The following HPCAL4 variants were observed in gnomAD, a reference collection of about 807,000 sequenced individuals.
HPCAL4 encodes hippocalcin-like protein 4.
Under a neutral mutation model 18.2 loss-of-function variants are expected in HPCAL4, and 16 were observed. That is an observed-to-expected ratio of 0.88 (90% CI 0.59 to 1.33). HPCAL4 has a LOEUF of 1.33. Ranked by LOEUF, HPCAL4 falls within the 40% of genes most tolerant of loss-of-function variation. HPCAL4 has a pLI of 0.00. For missense variants in HPCAL4, 214 were observed against 256.6 expected (o/e 0.83, Z 1.14); for synonymous variants, 80 against 97.5 (o/e 0.82, Z 1.06).
At chr1:39,683,181 G>A (rs1186730688) in intron 3 of HPCAL4, among the ~76,000 whole-genome samples, 1 of 152,186 alleles carries the variant, frequency 6.6e-6, no homozygotes, top group Non-Finnish European at 1.5e-5. Context: ...ACCACGCCCA[G>A]CCCTCAACTA....
At position 39,684,628 on chromosome 1, in the gene HPCAL4, T is replaced by C; in HGVS notation, c.-8-17A>G. 1.9e-6 allele frequency: 3 copies of C among 1,552,526 alleles called. No homozygotes were observed. Among genetic ancestry groups the C allele is most frequent in the Non-Finnish European group, 2.6e-6 (3 of 1,151,088 alleles). Reference sequence around the variant, plus strand: ...TGGCGGGGCCTGTGGGACAGAGGGATTCCTCCGACTGGGTCCAGGGAAAGG... The same window carrying C: ...TGGCGGGGCCTGTGGGACAGAGGGACTCCTCCGACTGGGTCCAGGGAAAGG... On this transcript the variant is annotated splice_polypyrimidine_tract_variant and intron_variant, in intron 1 of 3. Coordinates refer to ENST00000372844, the MANE Select transcript of HPCAL4 (RefSeq NM_016257.4).
At position 39,681,751 on chromosome 1, in the gene HPCAL4, TAA is replaced by T. The variant is rs1185657570; in HGVS notation, c.*783_*784del. The T allele has an allele frequency of 2.0e-5, 3 of 152,196 alleles. No homozygotes were observed. Among genetic ancestry groups the T allele is most frequent in the African/African-American group, 7.2e-5 (3 of 41,456 alleles). The allele number at this position is 152,196 out of a possible 1,614,324, so 9.4% of individuals were successfully genotyped here. A position where few individuals can be genotyped will look rare whatever the true frequency, so the allele number is the denominator to read the frequency against. On this transcript the variant is annotated 3_prime_UTR_variant, in exon 4 of 4. Transcript: ENST00000372844. ...GCTCCTTTAAAGGGTACTAAAAAAA[TAA>T]GTATGACATAAATTTCATTTTTCTT... is the stretch of plus-strand genomic sequence containing the variant.
intron 1 of HPCAL4, among the ~76,000 whole-genome samples, chr1:39,686,180 C>CAAAA (rs35915782): frequency 4.6e-5 from 4 of 86,466 alleles, no homozygotes; most frequent in African/African-American, 1.4e-4. Flanking sequence ...GACTCCGTCT[C>CAAAA]AAAAAAAAAA....
At chr1:39,690,657 G>A (rs1003851074) in intron 1 of HPCAL4, among the ~76,000 whole-genome samples, 1 of 152,040 alleles carries the variant, frequency 6.6e-6, no homozygotes, top group African/African-American at 2.4e-5. Flanking sequence ...CAAATATGGG[G>A]CCTCTGCCTA....
rs1366639036 is a variant in HPCAL4, at chr1:39,682,737, G to A, written c.379-4C>T. On this transcript the variant is annotated splice_polypyrimidine_tract_variant and splice_region_variant and intron_variant, in intron 3 of 3. Coordinates refer to ENST00000372844, the MANE Select transcript of HPCAL4 (RefSeq NM_016257.4). ...TGCCCACCATCTTGTAGATTGCCTG[G>A]TGAGGGAAGGAGGAGGGAGGTGTGA... The A allele has an allele frequency of 3.7e-6, 6 of 1,613,730 alleles. No homozygotes were observed. The highest frequency in any genetic ancestry group is 4.5e-5 in the East Asian group (2 of 44,898).
chr1:39,684,543 C>CA lies in HPCAL4; in HGVS notation c.60dup (p.Glu21Ter). 1 of 1,613,544 alleles carries CA rather than the reference C, an allele frequency of 6.2e-7. No homozygotes were observed. The highest frequency in any genetic ancestry group is 8.5e-7 in the Non-Finnish European group (1 of 1,179,738). ...TGCTTCAGCTCCTGCTCGCTGAACT[C>CA]AGTGTTCTGAACAAGGTCCTCCAGC... On this transcript the variant is annotated frameshift_variant, in exon 2 of 4. Transcript: ENST00000372844. LOFTEE classifies it high-confidence loss of function.
At chr1:39,683,790 G>A in intron 3 of HPCAL4, 147 bp downstream of exon 3, 1 of 697,036 alleles carries the variant, frequency 1.4e-6, no homozygotes, top group Non-Finnish European at 2.4e-6. Flanking sequence ...AAAGCATTTA[G>A]CCCGGGCCTG....
At position 39,678,924 on chromosome 1, in the gene HPCAL4, C is replaced by G. The variant is rs1646597182; in HGVS notation, c.*3612G>C. On this transcript the variant is annotated 3_prime_UTR_variant, in exon 4 of 4. Transcript: ENST00000372844. Reference sequence around the variant, plus strand: ...GCAGGCCCAGTCCTGCCCCCACACTCTGGCAAAGGTAAAAAGAAAACCTCG... The same window carrying G: ...GCAGGCCCAGTCCTGCCCCCACACTGTGGCAAAGGTAAAAAGAAAACCTCG... The G allele has an allele frequency of 6.6e-6, 1 of 152,184 alleles. No homozygotes were observed. The highest frequency in any genetic ancestry group is 2.4e-5 in the African/African-American group (1 of 41,434). 9.4% of individuals were successfully genotyped at this position (152,184 alleles called of 1,614,324 possible). A position where few individuals can be genotyped will look rare whatever the true frequency, so the allele number is the denominator to read the frequency against.
chr1:39,679,046 C>T lies in HPCAL4; in HGVS notation c.*3490G>A, dbSNP rs1646598361. ...AGAATGATGAATAAAACATGTAAGA[C>T]ATTCTTGACCCCACAGTGATCTCTA... is the stretch of plus-strand genomic sequence containing the variant. On this transcript the variant is annotated 3_prime_UTR_variant, in exon 4 of 4. Transcript: ENST00000372844. The T allele has an allele frequency of 6.6e-6, 1 of 152,232 alleles. No homozygotes were observed. The highest frequency in any genetic ancestry group is 1.5e-5 in the Non-Finnish European group (1 of 68,046). 9.4% of individuals were successfully genotyped at this position (152,232 alleles called of 1,614,324 possible).
Position 39,684,573 on chromosome 1 carries a change from C to A in HPCAL4, c.31G>T (p.Glu11Ter). 1 of 1,608,284 alleles carries A rather than the reference C, an allele frequency of 6.2e-7. No homozygotes were observed. The highest frequency in any genetic ancestry group is 8.5e-7 in the Non-Finnish European group (1 of 1,177,184). Residue 11 changes from glutamate to a stop codon, truncating the protein, a stop_gained, in exon 2 of 4, where the codon GAG becomes TAG. Transcript: ENST00000372844. LOFTEE classifies it high-confidence loss of function. MGKTNSKLAP[E>*]VLEDLVQNTE... ...TTCTGAACAAGGTCCTCCAGCACCT[C>A]GGGGGCCAGCTTGCTGTTGGTCTTC...
chr1:39,684,302 C>G (rs113017548), intron 2 of HPCAL4, 140 bp downstream of exon 2: 1 of 1,170,344 alleles, frequency 8.5e-7, no homozygotes, highest in African/African-American at 1.5e-5. Context: ...CTCCCCCGCA[C>G]CCCGGGTGCC....
At chr1:39,686,482 G>A (rs1194107046) in intron 1 of HPCAL4, among the ~76,000 whole-genome samples, 7 of 152,348 alleles carry the variant, frequency 4.6e-5, no homozygotes, top group Admixed American at 2.0e-4. Context: ...AGTAAGGGTC[G>A]TGGAGAGACG....
At position 39,681,460 on chromosome 1, in the gene HPCAL4, C is replaced by T. The variant is rs1026290223; in HGVS notation, c.*1076G>A. The T allele has an allele frequency of 1.3e-5, 2 of 152,108 alleles. No individual in the cohort carries two copies. Among genetic ancestry groups the T allele is most frequent in the Admixed American group, 6.5e-5 (1 of 15,272 alleles). 9.4% of individuals were successfully genotyped at this position (152,108 alleles called of 1,614,324 possible). A position where few individuals can be genotyped will look rare whatever the true frequency, so the allele number is the denominator to read the frequency against. The stretch of plus-strand genomic sequence containing the variant: ...CCTGTCCCTGAAGTCAGCACCCAAC[C>T]GGAGTAAGTATGTAGCAGAAAGTTG... On this transcript the variant is annotated 3_prime_UTR_variant, in exon 4 of 4. Transcript: ENST00000372844.
At chr1:39,688,962 C>T (rs41536844) in intron 1 of HPCAL4, among the ~76,000 whole-genome samples, 21,136 of 152,104 alleles carry the variant, frequency 0.14, 1,572 homozygotes, top group South Asian at 0.23. Flanking sequence ...TCATAGCCCT[C>T]TGACCCTCAC....
intron 1 of HPCAL4, among the ~76,000 whole-genome samples, chr1:39,690,537 G>T (rs531018322): frequency 6.6e-6 from 1 of 152,256 alleles, no homozygotes; most frequent in South Asian, 2.1e-4. Context: ...CTGTGAGGGG[G>T]GAGGGAGGAG....
rs769195789 is a variant in HPCAL4, at chr1:39,682,329, C to T, written c.*207G>A. On this transcript the variant is annotated 3_prime_UTR_variant, in exon 4 of 4. Coordinates refer to ENST00000372844, the MANE Select transcript of HPCAL4 (RefSeq NM_016257.4). ...CCAAGTGGGAGGTGGGGCTAGAAGA[C>T]AGGGTACTGGAGGACCTGTCTCTTT... The T allele has an allele frequency of 3.4e-6, 2 of 582,984 alleles. No individual in the cohort carries two copies. The highest frequency in any genetic ancestry group is 6.1e-6 in the Non-Finnish European group (2 of 326,440). The allele number at this position is 582,984 out of a possible 1,614,324, so 36.1% of individuals were successfully genotyped here.
intron 1 of HPCAL4, among the ~76,000 whole-genome samples, 185 bp from the exon 2 acceptor site, chr1:39,684,796 C>G (rs1270482763): frequency 1.3e-5 from 2 of 152,188 alleles, no homozygotes; most frequent in Non-Finnish European, 2.9e-5. Flanking sequence ...CTCCTAGCCC[C>G]GGGGGTCTCC....
chr1:39,685,911 G>A (rs1351760190), intron 1 of HPCAL4, among the ~76,000 whole-genome samples: 2 of 149,570 alleles, frequency 1.3e-5, no homozygotes, highest in Non-Finnish European at 1.5e-5. Flanking sequence ...GCCGGGCGCA[G>A]TGGCTCACGC....
Position 39,680,954 on chromosome 1 carries a change from G to C in HPCAL4, c.*1582C>G, listed in dbSNP as rs1646621213. On this transcript the variant is annotated 3_prime_UTR_variant, in exon 4 of 4. Transcript: ENST00000372844. Reference sequence around the variant, plus strand: ...GCAATCATTTCCTGCTCCCACCCTGGGCTGACAGCACCTGTGTACTAGACT... The same window carrying C: ...GCAATCATTTCCTGCTCCCACCCTGCGCTGACAGCACCTGTGTACTAGACT... The C allele has an allele frequency of 6.6e-6, 1 of 152,630 alleles. No homozygotes were observed. The highest frequency in any genetic ancestry group is 1.5e-5 in the Non-Finnish European group (1 of 68,050). The allele number at this position is 152,630 out of a possible 1,614,324, so 9.5% of individuals were successfully genotyped here.
Sources: allele counts gnomAD v4.1 joint callset (sites outside exome capture counted in the v4.1 genomes callset), GRCh38; gene constraint gnomAD v4.1.1; transcripts MANE v1.5; gene names NCBI Gene and HGNC (gene_info 2026-07-23, HGNC 2026-07-21).